The following LRRC4C variants were observed in gnomAD, a reference collection of about 807,000 sequenced individuals.
LRRC4C encodes leucine-rich repeat-containing protein 4C.
Under a neutral mutation model 33.6 loss-of-function variants are expected in LRRC4C, and 5 were observed. That is an observed-to-expected ratio of 0.15 (90% CI 0.08 to 0.31). The LOEUF (loss-of-function observed/expected upper bound fraction) is 0.31, where lower values mean the gene tolerates loss of function less well. Among genes scored for constraint, LRRC4C ranks in the 10% least tolerant of loss-of-function variants. The pLI, the probability that LRRC4C is intolerant of heterozygous loss-of-function variation, is 1.00. For missense variants in LRRC4C, 560 were observed against 796.7 expected (o/e 0.70, Z 3.58); for synonymous variants, 329 against 302.0 (o/e 1.09, Z -0.93).
At chr11:41,285,053 C>T (rs1949781588) in intron 1 of LRRC4C, among the ~76,000 whole-genome samples, 1 of 152,070 alleles carries the variant, frequency 6.6e-6, no homozygotes, top group South Asian at 2.1e-4. Context: ...TACAAGGGGA[C>T]CCAGGAAAAG....
intron 5 of LRRC4C, among the ~76,000 whole-genome samples, chr11:40,187,623 G>A (rs533737627): frequency 1.3e-5 from 2 of 151,802 alleles, no homozygotes; most frequent in Non-Finnish European, 2.9e-5. Flanking sequence ...TGGTATACAC[G>A]CAAGGGCAAA....
intron 1 of LRRC4C, among the ~76,000 whole-genome samples, chr11:40,957,519 T>A (rs1423785774): frequency 6.6e-6 from 1 of 151,782 alleles, no homozygotes; most frequent in Non-Finnish European, 1.5e-5. Flanking sequence ...TGAACTATGT[T>A]CAACATTACT....
At chr11:40,846,930 G>C (rs943649656) in intron 2 of LRRC4C, among the ~76,000 whole-genome samples, 1 of 152,012 alleles carries the variant, frequency 6.6e-6, no homozygotes, top group Non-Finnish European at 1.5e-5. Context: ...ATTGTGAGTG[G>C]GTGTTTGCTC....
At chr11:40,596,368 G>A (rs1292649091) in intron 3 of LRRC4C, among the ~76,000 whole-genome samples, 1 of 151,752 alleles carries the variant, frequency 6.6e-6, no homozygotes, top group African/African-American at 2.4e-5. Flanking sequence ...TGACTTTTTG[G>A]TACAGGCACA....
chr11:40,480,538 G>C (rs1953499361), intron 3 of LRRC4C, among the ~76,000 whole-genome samples: 1 of 151,744 alleles, frequency 6.6e-6, no homozygotes, highest in Non-Finnish European at 1.5e-5. Context: ...TTATTACCTG[G>C]GTGATGAAAT....
intron 2 of LRRC4C, among the ~76,000 whole-genome samples, chr11:40,665,341 T>TATATATAC (rs1355186408): frequency 1.1e-3 from 14 of 12,882 alleles, no homozygotes; most frequent in African/African-American, 2.9e-3. Context: ...TATATATATA[T>TATATATAC]ATATATATAT....
intron 1 of LRRC4C, among the ~76,000 whole-genome samples, chr11:41,360,950 G>T (rs1195494288): frequency 6.6e-6 from 1 of 152,106 alleles, no homozygotes; most frequent in East Asian, 1.9e-4. Context: ...CGTAATGCTA[G>T]GCATCATGGC....
At chr11:40,426,037 A>T (rs543574546) in intron 3 of LRRC4C, among the ~76,000 whole-genome samples, 16 of 146,814 alleles carry the variant, frequency 1.1e-4, no homozygotes, top group African/African-American at 4.1e-4. Context: ...TTTTTGAGAC[A>T]GAGTCTCGCT....
At chr11:40,355,063 G>A (rs377301960) in intron 3 of LRRC4C, among the ~76,000 whole-genome samples, 10 of 152,182 alleles carry the variant, frequency 6.6e-5, no homozygotes, top group East Asian at 3.9e-4. Flanking sequence ...GTGCTAAATC[G>A]TGCCAGGACT....
At chr11:41,178,121 T>A (rs1337131716) in intron 1 of LRRC4C, among the ~76,000 whole-genome samples, 1 of 152,226 alleles carries the variant, frequency 6.6e-6, no homozygotes, top group Non-Finnish European at 1.5e-5. Flanking sequence ...AGTTACCATA[T>A]GTTGGCCTAT....
chr11:40,891,528 T>C (rs1161104857), intron 2 of LRRC4C, among the ~76,000 whole-genome samples: 1 of 151,908 alleles, frequency 6.6e-6, no homozygotes, highest in East Asian at 1.9e-4. Context: ...ATAACAAGAA[T>C]CTATAATGAG....
chr11:41,222,835 A>G (rs1947367900), intron 1 of LRRC4C: 1 of 150,228 alleles, frequency 6.7e-6, no homozygotes, highest in Non-Finnish European at 1.5e-5. Context: ...CCTCTCAAAA[A>G]AAAAAAAAAA....
At chr11:40,475,844 G>A (rs1953188800) in intron 3 of LRRC4C, among the ~76,000 whole-genome samples, 2 of 152,064 alleles carry the variant, frequency 1.3e-5, no homozygotes, top group South Asian at 4.1e-4. Context: ...CACAGTTCCT[G>A]GGTTGTCTCA....
chr11:40,987,681 T>TG (rs139761307), intron 1 of LRRC4C, among the ~76,000 whole-genome samples: 29,027 of 73,656 alleles, frequency 0.39, 5,313 homozygotes, highest in East Asian at 0.56. Flanking sequence ...AAATGATATA[T>TG]ATATATATAT....
At chr11:40,956,790 C>G (rs1177131997) in intron 1 of LRRC4C, among the ~76,000 whole-genome samples, 1 of 151,674 alleles carries the variant, frequency 6.6e-6, no homozygotes, top group Non-Finnish European at 1.5e-5. Context: ...TTTAGCCCCC[C>G]TCCCATTCCA....
chr11:41,432,884 G>C (rs1175122880), intron 1 of LRRC4C, among the ~76,000 whole-genome samples: 1 of 152,140 alleles, frequency 6.6e-6, no homozygotes, highest in Admixed American at 6.5e-5. Context: ...TAGTCTGCAG[G>C]AAGTTTCCCA....
chr11:40,842,549 A>G (rs548321468), intron 2 of LRRC4C, among the ~76,000 whole-genome samples: 9 of 152,178 alleles, frequency 5.9e-5, no homozygotes, highest in South Asian at 2.1e-4. Flanking sequence ...TATGGTGAGA[A>G]CAGGTAAAAT....
intron 3 of LRRC4C, among the ~76,000 whole-genome samples, chr11:40,435,799 G>A (rs1951116804): frequency 6.6e-6 from 1 of 152,206 alleles, no homozygotes; most frequent in African/African-American, 2.4e-5. Context: ...GCTCATACCA[G>A]TTAATGCTGG....
At chr11:40,957,109 C>T (rs369424281) in intron 1 of LRRC4C, among the ~76,000 whole-genome samples, 2 of 151,888 alleles carry the variant, frequency 1.3e-5, no homozygotes, top group African/African-American at 4.8e-5. Flanking sequence ...TGGGACTCAA[C>T]CATGTTCTGA....
Sources: allele counts gnomAD v4.1 joint callset (sites outside exome capture counted in the v4.1 genomes callset), GRCh38; gene constraint gnomAD v4.1.1; transcripts MANE v1.5; gene names NCBI Gene and HGNC (gene_info 2026-07-23, HGNC 2026-07-21).